CORO2B: variants seen among roughly 807,000 people sequenced by gnomAD.
CORO2B encodes coronin 2B, also known as coronin-2B.
In CORO2B, 26 loss-of-function variants were observed where a neutral mutation model predicts 58.8. That is an observed-to-expected ratio of 0.44 (90% CI 0.32 to 0.61). The LOEUF (loss-of-function observed/expected upper bound fraction) is 0.61. Among genes scored for constraint, CORO2B ranks in the 20% least tolerant of loss-of-function variants. CORO2B has a pLI of 0.04. For missense variants in CORO2B, 460 were observed against 645.1 expected (o/e 0.71, Z 3.11); for synonymous variants, 242 against 253.8 (o/e 0.95, Z 0.44).
chr15:68,689,526 T>C (rs1484871006), intron 2 of CORO2B, among the ~76,000 whole-genome samples: 1 of 152,250 alleles, frequency 6.6e-6, no homozygotes, highest in Admixed American at 6.5e-5. Context: ...AATATGCTAT[T>C]ATATTATCAA....
chr15:68,578,975 C>T (rs1163610899), upstream of CORO2B: 2 of 971,516 alleles, frequency 2.1e-6, no homozygotes, highest in Non-Finnish European at 2.4e-6. This position sits in a 1 kb window ranked among gnomAD's most constrained non-coding sequence, Gnocchi z 4.2. Flanking sequence ...AGCCCGGGCC[C>T]TCTCCCTCTC....
chr15:68,614,696 C>T (rs1212980516), intron 1 of CORO2B, among the ~76,000 whole-genome samples: 1 of 152,174 alleles, frequency 6.6e-6, no homozygotes, highest in East Asian at 1.9e-4. Flanking sequence ...CGGGAGCCCT[C>T]TGGGGAAGCG....
chr15:68,553,568 C>G, the CORO2B span, among the ~76,000 whole-genome samples: 218 of 152,300 alleles, frequency 1.4e-3, no homozygotes, highest in Non-Finnish European at 2.5e-3. Flanking sequence ...AGTCCTATGG[C>G]CTCCAGAACT....
At chr15:68,723,444 G>T (rs1215800483) in intron 11 of CORO2B, among the ~76,000 whole-genome samples, 1 of 151,138 alleles carries the variant, frequency 6.6e-6, no homozygotes, top group Non-Finnish European at 1.5e-5. Flanking sequence ...TGGTTTCTTT[G>T]TTGTTGTTGT....
the CORO2B span, among the ~76,000 whole-genome samples, chr15:68,530,469 A>G: frequency 6.6e-6 from 1 of 152,148 alleles, no homozygotes. Context: ...TAATCAAGAA[A>G]TGGCAATTAG....
the CORO2B span, among the ~76,000 whole-genome samples, chr15:68,553,817 G>T: frequency 6.6e-6 from 1 of 152,246 alleles, no homozygotes; most frequent in East Asian, 1.9e-4. Flanking sequence ...CAGAGAAGAG[G>T]AAGGAGGCGA....
chr15:68,530,759 A>T, the CORO2B span, among the ~76,000 whole-genome samples: 3 of 152,172 alleles, frequency 2.0e-5, no homozygotes, highest in Admixed American at 6.5e-5. Context: ...ACTTCTTCTG[A>T]TACTAATGTA....
At chr15:68,631,116 G>T (rs978899173) in intron 1 of CORO2B, among the ~76,000 whole-genome samples, 10 of 152,118 alleles carry the variant, frequency 6.6e-5, no homozygotes, top group African/African-American at 2.2e-4. Context: ...CAGCAGATCT[G>T]CCTGCCTCCC....
intron 1 of CORO2B, among the ~76,000 whole-genome samples, chr15:68,642,188 C>T (rs933767882): frequency 2.0e-5 from 3 of 152,094 alleles, no homozygotes; most frequent in Non-Finnish European, 2.9e-5. Context: ...AGGTGCCTGC[C>T]ACCATGCCTG....
At chr15:68,669,150 AAAAAGAAAAGAAAGAAAG>A (rs1902300577) in intron 2 of CORO2B, among the ~76,000 whole-genome samples, 1 of 151,658 alleles carries the variant, frequency 6.6e-6, no homozygotes, top group South Asian at 2.1e-4. Flanking sequence ...AAGAAGAAAG[AAAAAGAAAAGAAAGAAAG>A]AAAAGAAAAG....
intron 2 of CORO2B, among the ~76,000 whole-genome samples, chr15:68,688,358 T>C (rs1903056988): frequency 6.6e-6 from 1 of 152,182 alleles, no homozygotes; most frequent in Non-Finnish European, 1.5e-5. Flanking sequence ...GGTTGAGCAT[T>C]CTAAATCCAA....
At chr15:68,592,058 G>A (rs1250571829) in intron 1 of CORO2B, among the ~76,000 whole-genome samples, 2 of 152,222 alleles carry the variant, frequency 1.3e-5, no homozygotes, top group East Asian at 3.9e-4. Flanking sequence ...CTTGGGCCCT[G>A]TTTTACCCTC....
At chr15:68,520,528 C>T in the CORO2B span, among the ~76,000 whole-genome samples, 3 of 152,180 alleles carry the variant, frequency 2.0e-5, no homozygotes, top group Non-Finnish European at 2.9e-5. Flanking sequence ...CTCTTAAATG[C>T]TTAGAAATGC....
At chr15:68,593,502 T>A (rs1040383177) in intron 1 of CORO2B, among the ~76,000 whole-genome samples, 2 of 152,172 alleles carry the variant, frequency 1.3e-5, no homozygotes, top group African/African-American at 4.8e-5. Flanking sequence ...AGACATTTGC[T>A]GAAACACAAT....
the CORO2B span, among the ~76,000 whole-genome samples, chr15:68,522,166 A>T: frequency 2.0e-5 from 3 of 152,010 alleles, no homozygotes; most frequent in African/African-American, 7.2e-5. Context: ...ATTCACAATG[A>T]TGTTTCTAGA....
the CORO2B span, among the ~76,000 whole-genome samples, chr15:68,543,703 TCCTATGCCTGC>T: frequency 6.6e-6 from 1 of 152,010 alleles, no homozygotes; most frequent in East Asian, 1.9e-4. Context: ...TTCTATCGAC[TCCTATGCCTGC>T]CTCTGATCTC....
intron 2 of CORO2B, among the ~76,000 whole-genome samples, chr15:68,677,312 C>T (rs1902620260): frequency 6.6e-6 from 1 of 152,180 alleles, no homozygotes; most frequent in Non-Finnish European, 1.5e-5. Context: ...TAAGAAAATT[C>T]CAGAACCTCA....
intron 2 of CORO2B, among the ~76,000 whole-genome samples, chr15:68,651,204 C>T (rs1304467134): frequency 1.3e-5 from 2 of 152,208 alleles, no homozygotes; most frequent in African/African-American, 4.8e-5. Flanking sequence ...AGCGGGATGA[C>T]TTAGGTATTG....
intron 1 of CORO2B, among the ~76,000 whole-genome samples, chr15:68,610,346 G>A (rs909705060): frequency 1.3e-5 from 2 of 152,176 alleles, no homozygotes; most frequent in African/African-American, 4.8e-5. Flanking sequence ...AAGGCCTAGT[G>A]AAGGGCTGGG....
Sources: allele counts gnomAD v4.1 joint callset (sites outside exome capture counted in the v4.1 genomes callset), GRCh38; gene constraint gnomAD v4.1.1; non-coding constraint Gnocchi (gnomAD v3.1); transcripts MANE v1.5; gene names NCBI Gene and HGNC (gene_info 2026-07-23, HGNC 2026-07-21).